Variants in TGFBR1 observed in about 807,000 individuals in gnomAD.
TGFBR1 encodes transforming growth factor beta receptor 1.
Under a neutral mutation model 55.1 loss-of-function variants are expected in TGFBR1, and 20 were observed. The ratio of observed to expected loss-of-function variants is 0.36; its 90% CI spans 0.26 to 0.53. The LOEUF (loss-of-function observed/expected upper bound fraction) is 0.53, where lower values mean the gene tolerates loss of function less well. TGFBR1 is among the 20% of genes least tolerant of loss of function. The pLI, the probability that TGFBR1 is intolerant of heterozygous loss-of-function variation, is 0.91. For missense variants in TGFBR1, 385 were observed against 617.6 expected, an observed-to-expected ratio of 0.62 and a Z score of 3.99; for synonymous variants, 220 against 214.8, an observed-to-expected ratio of 1.02 and a Z score of -0.21.
intron 2 of TGFBR1, 61 bp downstream of exon 2, chr9:99,129,161 T>A (rs1296527084): frequency 6.4e-7 from 1 of 1,570,468 alleles, no homozygotes; most frequent in Non-Finnish European, 8.7e-7. Context: ...ACTCTGTGAT[T>A]TTAGAACTGG....
chr9:99,139,532 G>A (rs574067378), intron 4 of TGFBR1, among the ~76,000 whole-genome samples: 28 of 152,280 alleles, frequency 1.8e-4, no homozygotes, highest in African/African-American at 5.5e-4. Context: ...ATTGATGTCT[G>A]ATCCCACCTA....
In TGFBR1 at chr9:99,147,777, G is replaced by A; in HGVS notation, c.1379G>A (p.Ser460Asn). ...CCAAATATCCCAAACAGATGGCAGA[G>A]CTGTGAAGTGAGTATTTCTTTTTGA... The part of the protein sequence containing the change: ...LRPNIPNRWQ[S>N]CEALRVMAKI... Residue 460 changes from serine (S) to asparagine (N), a missense_variant, in exon 8 of 9, where the codon AGC (serine) becomes AAC (asparagine). By Grantham distance (46) the Ser-to-Asn change is conservative. This residue lies in a region of TGFBR1 where 110 missense variants were observed against 154.6 expected (regional missense o/e 0.71). Transcript: ENST00000374994. 1 of 1,613,792 alleles carries A rather than the reference G, an allele frequency of 6.2e-7. No homozygotes were observed. Among genetic ancestry groups the A allele is most frequent in the Non-Finnish European group, 8.5e-7 (1 of 1,179,806 alleles).
chr9:99,108,495 T>C (rs1004269023), intron 1 of TGFBR1, among the ~76,000 whole-genome samples: 2 of 152,240 alleles, frequency 1.3e-5, no homozygotes, highest in African/African-American at 4.8e-5. Context: ...ATATCATTTC[T>C]ATAGGGAGGC....
chr9:99,123,527 A>G, intron 1 of TGFBR1, among the ~76,000 whole-genome samples: 1 of 152,188 alleles, frequency 6.6e-6, no homozygotes, highest in Middle Eastern at 3.2e-3. Flanking sequence ...ATAGTGGTAT[A>G]GCAAATAGTT....
At chr9:99,127,901 A>G (rs1410284104) in intron 1 of TGFBR1, 3 of 455,706 alleles carry the variant, frequency 6.6e-6, no homozygotes, top group Admixed American at 2.4e-5. Flanking sequence ...TGCATGAGGC[A>G]TGGTGTTAGA....
At position 99,128,475 on chromosome 9, in the gene TGFBR1, T is replaced by TAAAAA. The variant is rs66612011; in HGVS notation, c.98-360_98-356dup. On this transcript the variant is annotated intron_variant, in intron 1 of 8. Coordinates refer to ENST00000374994, the MANE Select transcript of TGFBR1 (RefSeq NM_004612.4). ...ATGTGAATGTTTAGTTTGGGCCTGG[T>TAAAAA]AAAAAAAAAAAAAAAAAAAAAAAAG... 8.7e-5 allele frequency among the ~76,000 whole-genome samples: 9 copies of TAAAAA among 104,032 alleles called. No individual in the cohort carries two copies. The East Asian group carries it at 1.6e-3, about 18-fold the overall frequency. 68.2% of individuals were successfully genotyped at this position (104,032 alleles called of 152,430 possible).
At chr9:99,130,164 C>G (rs1185741831) in intron 2 of TGFBR1, among the ~76,000 whole-genome samples, 1 of 152,052 alleles carries the variant, frequency 6.6e-6, no homozygotes, top group African/African-American at 2.4e-5. Context: ...TGACACCAGA[C>G]TAGTAAAGAA....
At chr9:99,111,400 G>T (rs960829651) in intron 1 of TGFBR1, among the ~76,000 whole-genome samples, 1 of 147,862 alleles carries the variant, frequency 6.8e-6, no homozygotes, top group African/African-American at 2.5e-5. Flanking sequence ...AGGCCGAAGT[G>T]GGCGAATCAC....
At chr9:99,117,252 TA>T (rs67014956) in intron 1 of TGFBR1, among the ~76,000 whole-genome samples, 44 of 79,544 alleles carry the variant, frequency 5.5e-4, no homozygotes, top group African/African-American at 2.0e-3. Flanking sequence ...CACGCCTGGC[TA>T]TTTTTTTTTT....
intron 1 of TGFBR1, among the ~76,000 whole-genome samples, chr9:99,111,128 G>A (rs1207257371): frequency 1.3e-5 from 2 of 152,086 alleles, no homozygotes; most frequent in South Asian, 2.1e-4. Context: ...TTCCTGACGA[G>A]TCCAGTGATA....
At chr9:99,146,093 A>G (rs184723282) in intron 6 of TGFBR1, 3 of 292,670 alleles carry the variant, frequency 1.0e-5, no homozygotes, top group African/African-American at 6.7e-5. Context: ...TTTTGTATCT[A>G]TTATTTTTTT....
chr9:99,153,655 A>T lies in TGFBR1; in HGVS notation c.*4350A>T, dbSNP rs1201329014. 5.1e-6 allele frequency: 1 copy of T among 197,994 alleles called. No individual in the cohort carries two copies. Among genetic ancestry groups the T allele is most frequent in the Non-Finnish European group, 1.0e-5 (1 of 95,296 alleles). The allele number at this position is 197,994 out of a possible 1,614,324, so 12.3% of individuals were successfully genotyped here. On this transcript the variant is annotated 3_prime_UTR_variant, in exon 9 of 9. Coordinates refer to ENST00000374994, the MANE Select transcript of TGFBR1 (RefSeq NM_004612.4). ...ATAAATTACATTTTTCCCAAGTGCC[A>T]GTGGCATATTTTAAAATAAAGTGTA... is the stretch of plus-strand genomic sequence containing the variant.
In TGFBR1 at chr9:99,149,845, GT is replaced by G. The variant is rs1827929976; in HGVS notation, c.*541del. 9.1e-6 allele frequency: 2 copies of G among 220,708 alleles called. No individual in the cohort carries two copies. The allele number at this position is 220,708 out of a possible 1,614,324, so 13.7% of individuals were successfully genotyped here. On this transcript the variant is annotated 3_prime_UTR_variant, in exon 9 of 9. Coordinates refer to ENST00000374994, the MANE Select transcript of TGFBR1 (RefSeq NM_004612.4). Reference sequence around the variant, plus strand: ...TTGAGTCTAAAAATGACCTCATATAGTAGTGAGGAACATAATTCATGCAATT... The same window carrying G: ...TTGAGTCTAAAAATGACCTCATATAGAGTGAGGAACATAATTCATGCAATT...
At chr9:99,117,632 CCTT>C (rs1392118118) in intron 1 of TGFBR1, among the ~76,000 whole-genome samples, 11 of 152,148 alleles carry the variant, frequency 7.2e-5, no homozygotes, top group Non-Finnish European at 1.3e-4. Context: ...TGTACAATCA[CCTT>C]CATCATAAAT....
intron 1 of TGFBR1, among the ~76,000 whole-genome samples, chr9:99,115,361 C>T (rs1588563784): frequency 1.3e-5 from 2 of 152,134 alleles, no homozygotes; most frequent in South Asian, 4.1e-4. Context: ...ATTTATAGTT[C>T]TAGGACACCT....
intron 1 of TGFBR1, among the ~76,000 whole-genome samples, chr9:99,116,252 C>A (rs1826734658): frequency 1.3e-5 from 2 of 151,274 alleles, no homozygotes; most frequent in Admixed American, 1.3e-4. Context: ...ATCCAGCCTG[C>A]TCTTGCCTTA....
intron 1 of TGFBR1, among the ~76,000 whole-genome samples, chr9:99,118,483 A>T (rs1826810733): frequency 6.6e-6 from 1 of 151,992 alleles, no homozygotes; most frequent in Non-Finnish European, 1.5e-5. Context: ...ATTTTTTTTA[A>T]ATTCTGCAAT....
chr9:99,154,033 G>A lies in TGFBR1; in HGVS notation c.*4728G>A, dbSNP rs187415138. 1.0e-3 allele frequency: 230 copies of A among 222,628 alleles called. No homozygotes were observed. In the East Asian group the frequency reaches 0.015, roughly 14 times the overall value. 13.8% of individuals were successfully genotyped at this position (222,628 alleles called of 1,614,324 possible). ...AACCCTTGATTGACTCTGGGGAGGG[G>A]CTTTGTGAATAGGATTGCTCTCACA... On this transcript the variant is annotated 3_prime_UTR_variant, in exon 9 of 9. Coordinates refer to ENST00000374994, the MANE Select transcript of TGFBR1 (RefSeq NM_004612.4).
At chr9:99,124,808 T>G (rs997451024) in intron 1 of TGFBR1, among the ~76,000 whole-genome samples, 1 of 152,128 alleles carries the variant, frequency 6.6e-6, no homozygotes, top group African/African-American at 2.4e-5. Flanking sequence ...CTCTTCTGAT[T>G]GAAAGAGTAG....
Sources: allele counts gnomAD v4.1 joint callset (sites outside exome capture counted in the v4.1 genomes callset), GRCh38; gene constraint gnomAD v4.1.1; regional missense constraint gnomAD v4.1.1; transcripts MANE v1.5; gene names NCBI Gene and HGNC (gene_info 2026-07-23, HGNC 2026-07-21).